Variants in TRPM3 observed in about 807,000 individuals in gnomAD.
TRPM3 encodes transient receptor potential cation channel subfamily M member 3.
In TRPM3, 77 loss-of-function variants were observed where a neutral mutation model predicts 181.2. That is an observed-to-expected ratio of 0.42 (90% CI 0.35 to 0.51). TRPM3 has a LOEUF of 0.51. Among genes scored for constraint, TRPM3 ranks in the 20% least tolerant of loss-of-function variants. The pLI, the probability that TRPM3 is intolerant of heterozygous loss-of-function variation, is 0.01. For synonymous variants in TRPM3, 745 were observed against 796.4 expected, an observed-to-expected ratio of 0.94 and a Z score of 1.09; for missense variants, 1,759 against 2,196.7, an observed-to-expected ratio of 0.80 and a Z score of 3.98.
intron 1 of TRPM3, among the ~76,000 whole-genome samples, chr9:71,278,480 G>T (rs1565413515): frequency 2.0e-5 from 3 of 152,154 alleles, no homozygotes; most frequent in African/African-American, 4.8e-5. Context: ...CATGTTAGAA[G>T]GGAGTCTAAT....
At position 70,821,357 on chromosome 9, in the gene TRPM3, A is replaced by G. The variant is rs1026810081; in HGVS notation, c.973+6490T>C. ...CAAGATTGGCCCAGGGCTGATAAAT[A>G]TAGAGGCTGGATGATAGCTGTAGGG... On this transcript the variant is annotated intron_variant, in intron 6 of 25. Transcript: ENST00000677713. Among the ~76,000 whole-genome samples the G allele has an allele frequency of 2.6e-5, 4 of 152,342 alleles. No homozygotes were observed. In the East Asian group the frequency reaches 7.7e-4, roughly 29 times the overall value.
chr9:71,083,071 T>C (rs1164086824), intron 1 of TRPM3, among the ~76,000 whole-genome samples: 1 of 152,042 alleles, frequency 6.6e-6, no homozygotes, highest in Non-Finnish European at 1.5e-5. Context: ...TATAATGTGA[T>C]AGGTAATGCA....
chr9:70,988,693 A>G (rs571598325), intron 1 of TRPM3, among the ~76,000 whole-genome samples: 1 of 152,332 alleles, frequency 6.6e-6, no homozygotes, highest in African/African-American at 2.4e-5. Flanking sequence ...GCCTAATCTA[A>G]TCACATGAGC....
chr9:70,555,103 C>G (rs759521536), intron 22 of TRPM3, among the ~76,000 whole-genome samples: 3 of 152,184 alleles, frequency 2.0e-5, no homozygotes, highest in Non-Finnish European at 4.4e-5. Flanking sequence ...CCTGCAGTTC[C>G]TAGAAATGCC....
At chr9:71,316,128 A>G (rs1425526082) in intron 1 of TRPM3, among the ~76,000 whole-genome samples, 2 of 152,208 alleles carry the variant, frequency 1.3e-5, no homozygotes, top group Non-Finnish European at 2.9e-5. Context: ...TAGTGTCATT[A>G]GTTTATTTAA....
intron 22 of TRPM3, among the ~76,000 whole-genome samples, chr9:70,563,908 T>A (rs557581600): frequency 2.6e-5 from 4 of 152,236 alleles, no homozygotes; most frequent in Non-Finnish European, 5.9e-5. Context: ...TGTCTTTGAA[T>A]GCCTCTGTGG....
chr9:70,994,272 A>T (rs1418653827), intron 1 of TRPM3, among the ~76,000 whole-genome samples: 8 of 152,180 alleles, frequency 5.3e-5, no homozygotes, highest in Admixed American at 5.2e-4. Flanking sequence ...CACATAAAAA[A>T]TGCCCAAAAT....
At chr9:70,913,919 G>C (rs1256744160) in intron 1 of TRPM3, among the ~76,000 whole-genome samples, 2 of 152,086 alleles carry the variant, frequency 1.3e-5, no homozygotes, top group Non-Finnish European at 2.9e-5. Flanking sequence ...TATTCTACTG[G>C]TTATAGAAAA....
chr9:70,825,001 C>T (rs1324008667), intron 6 of TRPM3: 1 of 152,170 alleles, frequency 6.6e-6, no homozygotes, highest in East Asian at 1.9e-4. Flanking sequence ...CACTCCCTAC[C>T]CTCTAAGGAG....
At chr9:71,291,531 A>G (rs1050141768) in intron 1 of TRPM3, among the ~76,000 whole-genome samples, 1 of 152,132 alleles carries the variant, frequency 6.6e-6, no homozygotes, top group African/African-American at 2.4e-5. Context: ...TATTAGCCAA[A>G]TATTAGCTGA....
At chr9:71,303,128 CA>C (rs1178292189) in intron 1 of TRPM3, among the ~76,000 whole-genome samples, 2 of 152,084 alleles carry the variant, frequency 1.3e-5, no homozygotes, top group Non-Finnish European at 2.9e-5. Flanking sequence ...CCCATCCCAC[CA>C]TCACGGTGTG....
intron 1 of TRPM3, among the ~76,000 whole-genome samples, chr9:71,090,565 C>T (rs2066032447): frequency 6.6e-6 from 1 of 152,130 alleles, no homozygotes; most frequent in African/African-American, 2.4e-5. Context: ...TGTTGCAGTG[C>T]TCTTTCCTCT....
At chr9:70,860,506 G>C (rs2095494565) in intron 3 of TRPM3, among the ~76,000 whole-genome samples, 1 of 152,154 alleles carries the variant, frequency 6.6e-6, no homozygotes, top group Admixed American at 6.6e-5. Context: ...CATTTTACAA[G>C]TGAGGAAACT....
intron 6 of TRPM3, chr9:70,793,470 ATAT>A (rs139677011): frequency 0.14 from 15,144 of 109,354 alleles, 1,110 homozygotes; most frequent in Non-Finnish European, 0.17. Flanking sequence ...AAAAAAAAAA[ATAT>A]ATATATATAT....
rs2040787837 is a variant in TRPM3, at chr9:70,530,886, C to G, written c.*5067G>C. 6.6e-6 allele frequency: 1 copy of G among 152,180 alleles called. No individual in the cohort carries two copies. Among genetic ancestry groups the G allele is most frequent in the African/African-American group, 2.4e-5 (1 of 41,442 alleles). The allele number at this position is 152,180 out of a possible 1,614,324, so 9.4% of individuals were successfully genotyped here. ...TTCAAAACTGTGCAAATTGGCTCCT[C>G]TCTTTAACAGATGTTGAATGGCTTC... On this transcript the variant is annotated 3_prime_UTR_variant, in exon 26 of 26. Coordinates refer to ENST00000677713, the MANE Select transcript of TRPM3 (RefSeq NM_001366145.2).
Position 70,639,087 on chromosome 9 carries a change from G to A in TRPM3, c.1554C>T (p.Ile518=). ...TATTGTACAATTCCTCTAGTCTGGAGATGGTGAGAAAACGGTGCATGCTTA... is the reference window on the plus strand; with the variant it reads ...TATTGTACAATTCCTCTAGTCTGGAAATGGTGAGAAAACGGTGCATGCTTA... The part of the protein sequence containing the change: ...NGVSMHRFLT[I]SRLEELYNTR... Residue 518 remains isoleucine, a synonymous_variant, in exon 11 of 26, where the codon ATC becomes ATT. Coordinates refer to ENST00000677713, the MANE Select transcript of TRPM3 (RefSeq NM_001366145.2). 6.2e-7 allele frequency: 1 copy of A among 1,613,960 alleles called. No homozygotes were observed. Among genetic ancestry groups the A allele is most frequent in the Non-Finnish European group, 8.5e-7 (1 of 1,179,912 alleles).
At chr9:70,682,024 C>A (rs2065574378) in intron 8 of TRPM3, among the ~76,000 whole-genome samples, 1 of 152,106 alleles carries the variant, frequency 6.6e-6, no homozygotes, top group Non-Finnish European at 1.5e-5. Context: ...GTTTATGAAC[C>A]ATTTGAATCT....
intron 19 of TRPM3, among the ~76,000 whole-genome samples, chr9:70,606,502 G>GAAAA (rs2061148424): frequency 6.6e-6 from 1 of 152,046 alleles, no homozygotes. Context: ...ACAGACTTCT[G>GAAAA]AAAATAGGGT....
At chr9:71,293,560 A>G (rs2086002859) in intron 1 of TRPM3, among the ~76,000 whole-genome samples, 1 of 151,630 alleles carries the variant, frequency 6.6e-6, no homozygotes, top group South Asian at 2.1e-4. Context: ...TTATTGAAAG[A>G]CTCTAAGAGA....
Sources: gnomAD v4.1 joint callset for allele counts (sites outside exome capture counted in the v4.1 genomes callset) on GRCh38, gnomAD v4.1.1 for gene constraint, MANE v1.5 for transcripts, NCBI Gene and HGNC (gene_info 2026-07-23, HGNC 2026-07-21) for gene names.